The following CA10 variants were observed in gnomAD, a reference collection of about 807,000 sequenced individuals.
CA10 encodes the protein carbonic anhydrase 10 (inactive), also known as carbonic anhydrase-related protein 10.
A neutral mutation model predicts 44.2 loss-of-function variants in CA10; 14 were observed. The ratio of observed to expected loss-of-function variants is 0.32; its 90% confidence interval spans 0.21 to 0.50. The LOEUF (loss-of-function observed/expected upper bound fraction) is 0.50, where lower values mean the gene tolerates loss of function less well. Among genes scored for constraint, CA10 ranks in the 20% least tolerant of loss-of-function variants. The pLI is 0.99. For synonymous variants in CA10, 159 were observed against 141.6 expected (o/e 1.12, Z -0.87); for missense variants, 350 against 409.7 (o/e 0.85, Z 1.26).
intron 3 of CA10, among the ~76,000 whole-genome samples, chr17:51,772,607 A>G (rs1905653406): frequency 6.6e-6 from 1 of 152,144 alleles, no homozygotes; most frequent in South Asian, 2.1e-4. Context: ...GGTTAAAATG[A>G]GGGAAGGCCT....
At chr17:51,797,017 A>G (rs1906735094) in intron 3 of CA10, among the ~76,000 whole-genome samples, 1 of 152,078 alleles carries the variant, frequency 6.6e-6, no homozygotes, top group African/African-American at 2.4e-5. Context: ...CATCTCATAC[A>G]CACTTAGATT....
chr17:51,822,930 A>G (rs1016454915), intron 3 of CA10, among the ~76,000 whole-genome samples: 2 of 152,298 alleles, frequency 1.3e-5, no homozygotes, highest in East Asian at 1.9e-4. Flanking sequence ...TCCTTCTACA[A>G]TGGCCTAAGG....
At chr17:51,956,454 TGTA>T (rs1486209221) in intron 2 of CA10, among the ~76,000 whole-genome samples, 2 of 152,246 alleles carry the variant, frequency 1.3e-5, no homozygotes, top group African/African-American at 4.8e-5. Context: ...TTTTTGCAGA[TGTA>T]GTTCACTTAT....
At chr17:52,048,944 A>G (rs749442281) in intron 2 of CA10, among the ~76,000 whole-genome samples, 2 of 152,120 alleles carry the variant, frequency 1.3e-5, no homozygotes, top group South Asian at 4.1e-4. Flanking sequence ...TGCAATGACT[A>G]AAAAATGATT....
At chr17:51,652,494 C>CAGAGG (rs1431710238) in intron 5 of CA10, among the ~76,000 whole-genome samples, 1 of 152,124 alleles carries the variant, frequency 6.6e-6, no homozygotes, top group African/African-American at 2.4e-5. Flanking sequence ...AATGACAAAC[C>CAGAGG]AGAGGAGGTT....
At chr17:51,736,035 T>G (rs116100959) in intron 4 of CA10, among the ~76,000 whole-genome samples, 1 of 152,192 alleles carries the variant, frequency 6.6e-6, no homozygotes, top group Non-Finnish European at 1.5e-5. Context: ...AAAAGCATCA[T>G]ATTGTACAGT....
At chr17:51,922,017 C>T (rs1982253726) in intron 3 of CA10, among the ~76,000 whole-genome samples, 1 of 152,132 alleles carries the variant, frequency 6.6e-6, no homozygotes, top group South Asian at 2.1e-4. Flanking sequence ...AGAAATTCAA[C>T]TGGGAGTTAT....
At chr17:51,824,649 G>A (rs1185033879) in intron 3 of CA10, among the ~76,000 whole-genome samples, 6 of 152,118 alleles carry the variant, frequency 3.9e-5, no homozygotes, top group African/African-American at 7.2e-5. Flanking sequence ...TGTTTAAAAC[G>A]ATAACACCCT....
chr17:51,721,092 G>A (rs547857005), intron 4 of CA10, among the ~76,000 whole-genome samples: 1 of 152,110 alleles, frequency 6.6e-6, no homozygotes, highest in South Asian at 2.1e-4. Flanking sequence ...CACTTTGGGA[G>A]GCTGAGGTGG....
At chr17:51,681,331 G>A (rs889871524) in intron 4 of CA10, among the ~76,000 whole-genome samples, 11 of 152,206 alleles carry the variant, frequency 7.2e-5, no homozygotes, top group Admixed American at 1.3e-4. Flanking sequence ...CAATGAACAC[G>A]AACTGATTTT....
chr17:51,817,884 G>T (rs1016076290), intron 3 of CA10, among the ~76,000 whole-genome samples: 2 of 152,150 alleles, frequency 1.3e-5, no homozygotes, highest in East Asian at 1.9e-4. Flanking sequence ...CATAGTCAAA[G>T]AATTTGCCCA....
At chr17:52,154,318 C>T (rs1485077605) in intron 1 of CA10, among the ~76,000 whole-genome samples, 1 of 152,184 alleles carries the variant, frequency 6.6e-6, no homozygotes, top group African/African-American at 2.4e-5. Flanking sequence ...ATAAGATTAT[C>T]CCACAAATTC....
At chr17:51,964,040 T>C (rs994994768) in intron 2 of CA10, among the ~76,000 whole-genome samples, 2 of 151,820 alleles carry the variant, frequency 1.3e-5, no homozygotes, top group Non-Finnish European at 2.9e-5. Context: ...ATAAACACAC[T>C]CATAGGTTAA....
chr17:51,897,738 C>T (rs1441984140), intron 3 of CA10, among the ~76,000 whole-genome samples: 1 of 151,982 alleles, frequency 6.6e-6, no homozygotes, highest in Non-Finnish European at 1.5e-5. Context: ...CTCTGATTTC[C>T]TTGAGAAGTG....
chr17:52,095,659 A>G (rs1004970343), intron 1 of CA10, among the ~76,000 whole-genome samples: 1 of 152,174 alleles, frequency 6.6e-6, no homozygotes, highest in Non-Finnish European at 1.5e-5. Flanking sequence ...TCAGATAATA[A>G]AACCATATAT....
chr17:51,819,562 C>T (rs1228326097), intron 3 of CA10, among the ~76,000 whole-genome samples: 1 of 152,196 alleles, frequency 6.6e-6, no homozygotes, highest in Non-Finnish European at 1.5e-5. Flanking sequence ...TAATTAGCCT[C>T]ATTAAGAAAC....
chr17:52,017,767 T>C (rs1268573547), intron 2 of CA10, among the ~76,000 whole-genome samples: 1 of 152,040 alleles, frequency 6.6e-6, no homozygotes, highest in African/African-American at 2.4e-5. Context: ...GCTAGAGACA[T>C]TCACATGACT....
intron 3 of CA10, among the ~76,000 whole-genome samples, chr17:51,812,201 T>A (rs542657925): frequency 6.6e-6 from 1 of 152,326 alleles, no homozygotes; most frequent in South Asian, 2.1e-4. Flanking sequence ...GTATTAAACC[T>A]AGCACTACTA....
intron 3 of CA10, among the ~76,000 whole-genome samples, chr17:51,869,799 C>A (rs1979722658): frequency 6.6e-6 from 1 of 152,056 alleles, no homozygotes; most frequent in Non-Finnish European, 1.5e-5. Flanking sequence ...GGAAAAAAAT[C>A]AAAGGACAAG....
Sources: gnomAD v4.1 joint callset for allele counts (sites outside exome capture counted in the v4.1 genomes callset) on GRCh38, gnomAD v4.1.1 for gene constraint, MANE v1.5 for transcripts, NCBI Gene and HGNC (gene_info 2026-07-23, HGNC 2026-07-21) for gene names.